The following KCTD13 variants were observed in gnomAD, a reference collection of about 807,000 sequenced individuals.
KCTD13 encodes BTB/POZ domain-containing adapter for CUL3-mediated RhoA degradation protein 1.
In KCTD13, 15 loss-of-function variants were observed where a neutral mutation model predicts 32.3. That is an observed-to-expected ratio of 0.46 (90% confidence interval 0.31 to 0.71). The LOEUF is 0.71. Among genes scored for constraint, KCTD13 ranks in the 30% least tolerant of loss-of-function variants. The probability of loss-of-function intolerance (pLI) is 0.05; values close to 1 mark genes in which losing one functional copy is unlikely to be tolerated. For synonymous variants in KCTD13, 189 were observed against 200.1 expected (o/e 0.94, Z 0.47); for missense variants, 337 against 452.6 (o/e 0.74, Z 2.32).
At chr16:29,910,754 A>G (rs1432232311) in intron 5 of KCTD13, among the ~76,000 whole-genome samples, 1 of 152,134 alleles carries the variant, frequency 6.6e-6, no homozygotes, top group Non-Finnish European at 1.5e-5. Context: ...AACCCATCCA[A>G]CAGGCCTAGG....
chr16:29,915,316 T>A (rs1164779804), intron 2 of KCTD13: 1 of 152,194 alleles, frequency 6.6e-6, no homozygotes, highest in African/African-American at 2.4e-5. Context: ...GTATCTTGCA[T>A]GTCTTAGGGT....
At position 29,923,881 on chromosome 16, in the gene KCTD13, TAAAGA is replaced by T. The variant is rs2068954674; in HGVS notation, c.245-527_245-523del. 3.7e-5 allele frequency among the ~76,000 whole-genome samples: 5 copies of T among 133,360 alleles called. No homozygotes were observed. The South Asian group carries it at 9.4e-4, about 25-fold the overall frequency. The allele number at this position is 133,360 out of a possible 152,430, so 87.5% of individuals were successfully genotyped here. A position where few individuals can be genotyped will look rare whatever the true frequency, so the allele number is the denominator to read the frequency against. Reference sequence around the variant, plus strand: ...AAACAAAAAAATAAAAAAAGAAAAGTAAAGAAAAGAAGGCCGGGCACGGTGACTGA... The same window carrying T: ...AAACAAAAAAATAAAAAAAGAAAAGTAAAGAAGGCCGGGCACGGTGACTGA... On this transcript the variant is annotated intron_variant, in intron 1 of 5. Transcript: ENST00000568000.
chr16:29,924,607 G>A (rs1274731266), intron 1 of KCTD13, among the ~76,000 whole-genome samples: 2 of 151,760 alleles, frequency 1.3e-5, no homozygotes, highest in African/African-American at 2.4e-5. Flanking sequence ...TTGGTCTTCT[G>A]ATCTCCCACT....
At chr16:29,911,908 A>G (rs1468414467) in intron 3 of KCTD13, 41 bp from the exon 4 acceptor site, 1 of 1,609,680 alleles carries the variant, frequency 6.2e-7, no homozygotes, top group Non-Finnish European at 8.5e-7. Context: ...GTGAGGCTGC[A>G]GGGAGAGGCC....
chr16:29,924,996 C>T (rs2068971759), intron 1 of KCTD13, among the ~76,000 whole-genome samples: 1 of 152,176 alleles, frequency 6.6e-6, no homozygotes, highest in Non-Finnish European at 1.5e-5. Flanking sequence ...GGATTAAAGG[C>T]GTGAGCCACC....
intron 5 of KCTD13, 70 bp downstream of exon 5, chr16:29,910,907 AC>A: frequency 6.2e-6 from 9 of 1,460,706 alleles, no homozygotes; most frequent in African/African-American, 1.4e-5. Context: ...TCCCCTGCCA[AC>A]CTGCTTTTGT....
In KCTD13 at chr16:29,906,793, G is replaced by C; in HGVS notation, c.*79C>G. The C allele has an allele frequency of 7.6e-7, 1 of 1,309,028 alleles. No individual in the cohort carries two copies. Among genetic ancestry groups the C allele is most frequent in the South Asian group, 1.3e-5 (1 of 79,238 alleles). The allele number at this position is 1,309,028 out of a possible 1,614,324, so 81.1% of individuals were successfully genotyped here. A position where few individuals can be genotyped will look rare whatever the true frequency, so the allele number is the denominator to read the frequency against. Reference sequence around the variant, plus strand: ...CCCACGACTTGGCCAGCAGAGCCGGGGCAAAAGTCTGGGAAGGGGAGGGAA... The same window carrying C: ...CCCACGACTTGGCCAGCAGAGCCGGCGCAAAAGTCTGGGAAGGGGAGGGAA... On this transcript the variant is annotated 3_prime_UTR_variant, in exon 6 of 6. Transcript: ENST00000568000.
Position 29,910,962 on chromosome 16 carries a change from C to T in KCTD13, c.753+16G>A. 5 of 1,610,804 alleles carry T rather than the reference C, an allele frequency of 3.1e-6. No individual in the cohort carries two copies. The South Asian group carries it at 5.5e-5, about 18-fold the overall frequency. ...CCACCCCCAGCCCCCAACATAGGCT[C>T]TGGAGCCCCTCTGACCTTGGTCTGC... On this transcript the variant is annotated intron_variant, in intron 5 of 5. Coordinates refer to ENST00000568000, the MANE Select transcript of KCTD13 (RefSeq NM_178863.5).
rs1026910057 is a variant in KCTD13 at position 29,919,083 on chromosome 16, C to T, written c.414+4107G>A. ...TGCTGGGATTATAGGCGTGAGCCAC[C>T]GTGCCCACCCAATATCAGTCATTTA... On this transcript the variant is annotated intron_variant, in intron 2 of 5. Transcript: ENST00000568000. 9.9e-5 allele frequency among the ~76,000 whole-genome samples: 15 copies of T among 152,100 alleles called. 1 individual carries two copies. Among genetic ancestry groups the T allele is most frequent in the African/African-American group, 2.2e-4 (9 of 41,422 alleles).
At chr16:29,923,082 CA>C in intron 2 of KCTD13, 107 bp downstream of exon 2, 7 of 1,278,964 alleles carry the variant, frequency 5.5e-6, no homozygotes, top group Non-Finnish European at 7.4e-6. Context: ...TATGGCCAGC[CA>C]AAGCCAGGCT....
chr16:29,918,994 A>G (rs925458317), intron 2 of KCTD13, among the ~76,000 whole-genome samples: 1 of 152,146 alleles, frequency 6.6e-6, no homozygotes, highest in African/African-American at 2.4e-5. Context: ...GGGTTTCACC[A>G]TGCTGACCAG....
chr16:29,919,602 G>A (rs775274423), intron 2 of KCTD13: 5 of 152,110 alleles, frequency 3.3e-5, no homozygotes, highest in Non-Finnish European at 5.9e-5. Context: ...CACATTTCTG[G>A]AACAACTGGA....
chr16:29,921,098 T>A (rs1215425921), intron 2 of KCTD13: 1 of 152,038 alleles, frequency 6.6e-6, no homozygotes, highest in Admixed American at 6.6e-5. Context: ...CATGAATAGA[T>A]CTTGAAAAAA....
chr16:29,923,701 A>C (rs2068950655), intron 1 of KCTD13, among the ~76,000 whole-genome samples: 1 of 151,802 alleles, frequency 6.6e-6, no homozygotes, highest in Non-Finnish European at 1.5e-5. Flanking sequence ...ATCTCTACTA[A>C]AAATACAAAA....
intron 1 of KCTD13, among the ~76,000 whole-genome samples, chr16:29,924,030 C>A (rs150495498): frequency 0.039 from 5,880 of 151,208 alleles, 383 homozygotes; most frequent in African/African-American, 0.13. Flanking sequence ...CAAAATTAGC[C>A]GGGCATGGTG....
At chr16:29,918,349 G>T (rs2068845718) in intron 2 of KCTD13, among the ~76,000 whole-genome samples, 1 of 152,216 alleles carries the variant, frequency 6.6e-6, no homozygotes, top group South Asian at 2.1e-4. Context: ...CGTCATTAAT[G>T]ACGAGTCATA....
In KCTD13 at chr16:29,911,817, G is replaced by T. The variant is rs2068717351; in HGVS notation, c.555C>A (p.Thr185=). 1.2e-6 allele frequency: 2 copies of T among 1,612,542 alleles called. No individual in the cohort carries two copies. Among genetic ancestry groups the T allele is most frequent in the African/African-American group, 1.3e-5 (1 of 74,910 alleles). ...GTGCCCCGCACCCCGGCGGTCACCT[G>T]GTGTAGGAGTACTTGTTGTTACTGC... ...HNRSNNKYSY[T]STSDDNLLKN... Residue 185 remains threonine (T), a splice_region_variant and synonymous_variant, in exon 4 of 6, where the codon ACC becomes ACA. Transcript: ENST00000568000.
rs2068990846 is a variant in KCTD13, at chr16:29,926,001, G to A, written c.33C>T (p.Ala11=). 2 of 1,582,720 alleles carry A rather than the reference G, an allele frequency of 1.3e-6. No individual in the cohort carries two copies. The highest frequency in any genetic ancestry group is 2.3e-5 in the South Asian group (2 of 88,662). The change falls in exon 1 of 6, where the codon GCC becomes GCT. Residue 11 remains alanine (A), a synonymous_variant. Transcript: ENST00000568000. ...TGGGGGCTTCCAGGGACGGGGCCGC[G>A]GCGGCAGCCGGGCCCGAGGCCTCCG... MSAEASGPAA[A]AAPSLEAPKP...
Position 29,906,678 on chromosome 16 carries a change from C to T in KCTD13, c.*194G>A, listed in dbSNP as rs575965874. On this transcript the variant is annotated 3_prime_UTR_variant, in exon 6 of 6. Transcript: ENST00000568000. Reference sequence around the variant, plus strand: ...TTCGGAAGGCTCTGAGTGGTGGGGCCGGAATGTACCATGTTGTTAGCAATG... The same window carrying T: ...TTCGGAAGGCTCTGAGTGGTGGGGCTGGAATGTACCATGTTGTTAGCAATG... The T allele has an allele frequency of 3.2e-4, 220 of 687,668 alleles. 1 individual carries two copies. The African/African-American group carries it at 3.3e-3, about 10-fold the overall frequency. The allele number at this position is 687,668 out of a possible 1,614,324, so 42.6% of individuals were successfully genotyped here. A position where few individuals can be genotyped will look rare whatever the true frequency, so the allele number is the denominator to read the frequency against.
Sources: gnomAD v4.1 joint callset for allele counts (sites outside exome capture counted in the v4.1 genomes callset) on GRCh38, gnomAD v4.1.1 for gene constraint, MANE v1.5 for transcripts, NCBI Gene and HGNC (gene_info 2026-07-23, HGNC 2026-07-21) for gene names.